Variants in PDE6C observed in about 807,000 individuals in gnomAD.
PDE6C encodes the protein cone cGMP-specific 3',5'-cyclic phosphodiesterase subunit alpha'.
PDE6C carries 75 observed loss-of-function variants against 113.1 expected under a neutral mutation model. That is an observed-to-expected ratio of 0.66 (90% confidence interval 0.55 to 0.80). The LOEUF (loss-of-function observed/expected upper bound fraction) is 0.80, where lower values mean the gene tolerates loss of function less well. PDE6C is among the 30% of genes least tolerant of loss of function. The pLI is 0.00. For synonymous variants in PDE6C, 375 were observed against 363.7 expected (o/e 1.03, Z -0.35); for missense variants, 912 against 1,038.6 (o/e 0.88, Z 1.67).
Position 93,635,742 on chromosome 10 carries a change from T to G in PDE6C, c.1413+102T>G, listed in dbSNP as rs564507471. On this transcript the variant is annotated intron_variant, in intron 10 of 21. Coordinates refer to ENST00000371447, the MANE Select transcript of PDE6C (RefSeq NM_006204.4). ...GGTCTGACAAATGCAAATGGTTTAC[T>G]CCTGGGCTGAGAGAGAGAGACAGGG... 463 of 1,242,046 alleles carry G rather than the reference T, an allele frequency of 3.7e-4. 9 individuals are homozygous for G. In the Middle Eastern group the frequency reaches 6.7e-3, roughly 18 times the overall value. 76.9% of individuals were successfully genotyped at this position (1,242,046 alleles called of 1,614,324 possible).
At chr10:93,643,808 T>C (rs2058570674) in intron 14 of PDE6C, among the ~76,000 whole-genome samples, 1 of 151,992 alleles carries the variant, frequency 6.6e-6, no homozygotes, top group Non-Finnish European at 1.5e-5. Context: ...TTCACCTACA[T>C]AAACACAATA....
chr10:93,643,014 C>G (rs1304687702), intron 14 of PDE6C, among the ~76,000 whole-genome samples: 1 of 152,158 alleles, frequency 6.6e-6, no homozygotes, highest in African/African-American at 2.4e-5. Flanking sequence ...AGTATACTAG[C>G]CAATTCAGTT....
chr10:93,654,786 C>CT (rs1252890635), intron 15 of PDE6C, among the ~76,000 whole-genome samples: 1 of 71,406 alleles, frequency 1.4e-5, no homozygotes, highest in African/African-American at 4.2e-5. Context: ...TTCTTTCTTT[C>CT]TTTCTTTCTT....
intron 8 of PDE6C, among the ~76,000 whole-genome samples, chr10:93,629,522 G>A (rs2058489748): frequency 6.6e-6 from 1 of 152,176 alleles, no homozygotes; most frequent in Non-Finnish European, 1.5e-5. Flanking sequence ...GAGGGGACCT[G>A]CCACTCCTCC....
intron 8 of PDE6C, among the ~76,000 whole-genome samples, chr10:93,631,942 G>A (rs1228850800): frequency 6.6e-6 from 1 of 152,218 alleles, no homozygotes; most frequent in African/African-American, 2.4e-5. Flanking sequence ...CAGTTCTGGA[G>A]GTCAGAATTC....
chr10:93,640,700 T>C (rs2058555341), intron 13 of PDE6C, 143 bp downstream of exon 13: 3 of 748,438 alleles, frequency 4.0e-6, no homozygotes, highest in Non-Finnish European at 7.2e-6. Context: ...TGAGTCCCAG[T>C]ATCCTTGAGC....
At chr10:93,618,144 C>T (rs1180990261) in intron 1 of PDE6C, among the ~76,000 whole-genome samples, 2 of 152,074 alleles carry the variant, frequency 1.3e-5, no homozygotes, top group Non-Finnish European at 2.9e-5. Flanking sequence ...CATCTGATTT[C>T]TTCAGTGATT....
chr10:93,622,161 CTA>C (rs1842474103), intron 4 of PDE6C, 89 bp downstream of exon 4: 4 of 1,258,214 alleles, frequency 3.2e-6, no homozygotes, highest in African/African-American at 1.5e-5. Flanking sequence ...AACAGATACA[CTA>C]TGTAAATAAT....
chr10:93,657,776 A>C (rs2058645732), intron 16 of PDE6C, among the ~76,000 whole-genome samples: 1 of 152,146 alleles, frequency 6.6e-6, no homozygotes, highest in African/African-American at 2.4e-5. Flanking sequence ...AAGAAATGTA[A>C]AAGTGACAAT....
rs1383787184 is a variant in PDE6C, at chr10:93,646,048, G to T, written c.1935+1G>T. ...CAGTAAGACTCTGTTGCAGGATGAG[G>T]TACGTAAACCTCTCTTTAGGACAGC... On this transcript the variant is annotated splice_donor_variant, in intron 15 of 21. Transcript: ENST00000371447. LOFTEE classifies it high-confidence loss of function. The T allele has an allele frequency of 6.6e-7, 1 of 1,524,662 alleles. No homozygotes were observed. The highest frequency in any genetic ancestry group is 1.7e-5 in the Admixed American group (1 of 59,878). 94.4% of individuals were successfully genotyped at this position (1,524,662 alleles called of 1,614,324 possible).
chr10:93,613,054 T>C lies in PDE6C; in HGVS notation c.329T>C (p.Val110Ala). 1 of 1,614,162 alleles carries C rather than the reference T, an allele frequency of 6.2e-7. No individual in the cohort carries two copies. The change falls in exon 1 of 22, where the codon GTG (valine) becomes GCG (alanine). Residue 110 changes from valine (V) to alanine (A), a missense_variant. Val to Ala is a moderately conservative substitution (Grantham distance 64). Transcript: ENST00000371447. ...CGGTCCCGGAACGGCATACCTGAGG[T>C]GGCCTCTAGGTTGCTGGATGTCACC... ...LCRSRNGIPE[V>A]ASRLLDVTPT...
chr10:93,641,644 G>A (rs562218226), intron 14 of PDE6C, among the ~76,000 whole-genome samples: 58 of 152,012 alleles, frequency 3.8e-4, no homozygotes, highest in Non-Finnish European at 7.4e-4. Context: ...ACTCTGTCTC[G>A]AAAAAAATTA....
Position 93,655,829 on chromosome 10 carries a change from A to G in PDE6C, c.2005A>G (p.Ile669Val). The G allele has an allele frequency of 6.2e-7, 1 of 1,602,518 alleles. No homozygotes were observed. Among genetic ancestry groups the G allele is most frequent in the Middle Eastern group, 1.7e-4 (1 of 6,022 alleles). ...ETVIHLFEVAIIATDLALYFK... is the reference protein window; with the variant it reads ...ETVIHLFEVAVIATDLALYFK... The stretch of plus-strand genomic sequence containing the variant: ...AGTTATTCATTTGTTCGAGGTCGCA[A>G]TAATAGCAACTGACCTGGCTTTATA... The change falls in exon 16 of 22, where the codon ATA becomes GTA. Residue 669 changes from isoleucine (I) to valine (V), a missense_variant. Physicochemically the swap from Ile to Val is conservative, Grantham distance 29. Transcript: ENST00000371447.
At chr10:93,652,599 A>G (rs2058614257) in intron 15 of PDE6C, among the ~76,000 whole-genome samples, 4 of 152,198 alleles carry the variant, frequency 2.6e-5, no homozygotes, top group Admixed American at 2.6e-4. Context: ...GAAAAGTAAG[A>G]TAGTTTTTGA....
chr10:93,634,961 G>A, intron 9 of PDE6C, 54 bp downstream of exon 9: 2 of 1,560,032 alleles, frequency 1.3e-6, no homozygotes, highest in South Asian at 2.2e-5. Context: ...AATAAGAGAG[G>A]GCACGTAATT....
At chr10:93,643,699 CTTT>C (rs71031525) in intron 14 of PDE6C, among the ~76,000 whole-genome samples, 2 of 144,166 alleles carry the variant, frequency 1.4e-5, no homozygotes. Context: ...CCAACTAATT[CTTT>C]TTTTTTTTTT....
intron 15 of PDE6C, 111 bp from the exon 16 acceptor site, chr10:93,655,649 A>C (rs577474111): frequency 5.4e-4 from 355 of 659,330 alleles, no homozygotes; most frequent in African/African-American, 4.9e-3. Flanking sequence ...CAAAAAAAAA[A>C]CAAACAAAAA....
intron 19 of PDE6C, 48 bp downstream of exon 19, chr10:93,662,181 C>T (rs752693774): frequency 2.4e-6 from 3 of 1,266,210 alleles, no homozygotes; most frequent in South Asian, 1.2e-5. Context: ...GTTATCAGGA[C>T]AGGCCGGGCG....
rs377355697 is a variant in PDE6C at position 93,658,538 on chromosome 10, C to T, written c.2037-363C>T. Among the ~76,000 whole-genome samples, 75 of 152,166 alleles carry T rather than the reference C, an allele frequency of 4.9e-4. No individual in the cohort carries two copies. In the East Asian group the frequency reaches 0.011, roughly 22 times the overall value. ...GTTGCCCAGGCTGGTTTAAAACTCCCGGCTTCAAGCAATCCTCCCACCTTA... is the reference window on the plus strand; with the variant it reads ...GTTGCCCAGGCTGGTTTAAAACTCCTGGCTTCAAGCAATCCTCCCACCTTA... On this transcript the variant is annotated intron_variant, in intron 16 of 21. Coordinates refer to ENST00000371447, the MANE Select transcript of PDE6C (RefSeq NM_006204.4).
Sources: allele counts gnomAD v4.1 joint callset (sites outside exome capture counted in the v4.1 genomes callset), GRCh38; gene constraint gnomAD v4.1.1; transcripts MANE v1.5; gene names NCBI Gene and HGNC (gene_info 2026-07-23, HGNC 2026-07-21).